Variants in ARG2 observed in about 807,000 individuals in gnomAD.
The protein encoded by ARG2 is arginase-2, mitochondrial.
A neutral mutation model predicts 39.4 loss-of-function variants in ARG2; 21 were observed. That is an observed-to-expected ratio of 0.53 (90% CI 0.38 to 0.77). The LOEUF (loss-of-function observed/expected upper bound fraction) is 0.77, where lower values mean the gene tolerates loss of function less well. Among genes scored for constraint, ARG2 ranks in the 30% least tolerant of loss-of-function variants. The pLI is 0.00. For synonymous variants in ARG2, 150 were observed against 156.7 expected (o/e 0.96, Z 0.32); for missense variants, 378 against 426.2 (o/e 0.89, Z 1.00).
At chr14:67,633,448 C>T (rs1281928875) in intron 2 of ARG2, among the ~76,000 whole-genome samples, 3 of 152,232 alleles carry the variant, frequency 2.0e-5, no homozygotes, top group African/African-American at 4.8e-5. Context: ...TATCCATTAA[C>T]TTGTCTCCAT....
At chr14:67,637,954 G>A (rs950540007) in intron 2 of ARG2, among the ~76,000 whole-genome samples, 1 of 152,208 alleles carries the variant, frequency 6.6e-6, no homozygotes, top group African/African-American at 2.4e-5. Flanking sequence ...AAAAGAGGAG[G>A]TGTGCTTTCT....
In ARG2 at chr14:67,651,072, T is replaced by G. The variant is rs944192063; in HGVS notation, c.*152T>G. On this transcript the variant is annotated 3_prime_UTR_variant, in exon 8 of 8. Coordinates refer to ENST00000261783, the MANE Select transcript of ARG2 (RefSeq NM_001172.4). Reference sequence around the variant, plus strand: ...CAATTGTAAAGTTTCCCCTCTATTTTGGTGACCAATACTACTGTAAATGTA... The same window carrying G: ...CAATTGTAAAGTTTCCCCTCTATTTGGGTGACCAATACTACTGTAAATGTA... 7.0e-6 allele frequency: 7 copies of G among 1,000,414 alleles called. No individual in the cohort carries two copies. The highest frequency in any genetic ancestry group is 8.8e-6 in the Non-Finnish European group (6 of 681,756). The allele number at this position is 1,000,414 out of a possible 1,614,324, so 62.0% of individuals were successfully genotyped here.
chr14:67,640,278 A>G (rs1055264409), intron 2 of ARG2, among the ~76,000 whole-genome samples: 3 of 152,086 alleles, frequency 2.0e-5, no homozygotes, highest in African/African-American at 7.2e-5. Context: ...TTATATGACT[A>G]TTTCTTAAAG....
chr14:67,637,989 C>T (rs983505114), intron 2 of ARG2, among the ~76,000 whole-genome samples: 3 of 152,142 alleles, frequency 2.0e-5, no homozygotes, highest in African/African-American at 4.8e-5. Flanking sequence ...TCTCCCGCTG[C>T]CTTGAACCTG....
At chr14:67,632,470 T>C (rs1332975730) in intron 2 of ARG2, among the ~76,000 whole-genome samples, 1 of 152,172 alleles carries the variant, frequency 6.6e-6, no homozygotes, top group Non-Finnish European at 1.5e-5. Context: ...AACTTTATTA[T>C]GGCCACCCAG....
intron 3 of ARG2, among the ~76,000 whole-genome samples, chr14:67,642,647 C>T (rs2037046438): frequency 1.3e-5 from 2 of 152,082 alleles, no homozygotes; most frequent in Non-Finnish European, 2.9e-5. Flanking sequence ...TGTTAACATG[C>T]TTGTCTCCTG....
chr14:67,651,535 T>TAAACATTTTGGGGTTAGA lies in ARG2; in HGVS notation c.*616_*633dup. 6.3e-7 allele frequency: 1 copy of TAAACATTTTGGGGTTAGA among 1,596,568 alleles called. No homozygotes were observed. Among genetic ancestry groups the TAAACATTTTGGGGTTAGA allele is most frequent in the Non-Finnish European group, 8.5e-7 (1 of 1,170,304 alleles). On this transcript the variant is annotated 3_prime_UTR_variant, in exon 8 of 8. Coordinates refer to ENST00000261783, the MANE Select transcript of ARG2 (RefSeq NM_001172.4). ...TCAGAAGTTTGGATAACCTTCCTTCTAAACATTTTGGGGTTAGACCTGGGA... is the reference window on the plus strand; with the variant it reads ...TCAGAAGTTTGGATAACCTTCCTTCTAAACATTTTGGGGTTAGAAAACATTTTGGGGTTAGACCTGGGA...
intron 2 of ARG2, among the ~76,000 whole-genome samples, chr14:67,639,231 ATC>A (rs2037004763): frequency 6.6e-6 from 1 of 152,134 alleles, no homozygotes. Context: ...TGTCACGTTT[ATC>A]TGAGTCTACA....
chr14:67,646,776 C>A, intron 5 of ARG2, 38 bp downstream of exon 5: 1 of 1,547,012 alleles, frequency 6.5e-7, no homozygotes, highest in Non-Finnish European at 8.9e-7. Context: ...AGGGCCTGTC[C>A]TAGCCAATTA....
At position 67,645,809 on chromosome 14, in the gene ARG2, G is replaced by A. The variant is rs2037090606; in HGVS notation, c.522+7G>A. On this transcript the variant is annotated splice_region_variant and intron_variant, in intron 4 of 7. Transcript: ENST00000261783. ...CAGAGAACTACAGGATAAGGTCAGT[G>A]GGCCAAAACGAAAAGAAAGGTGAAT... The A allele has an allele frequency of 6.2e-7, 1 of 1,613,056 alleles. No individual in the cohort carries two copies. The highest frequency in any genetic ancestry group is 8.5e-7 in the Non-Finnish European group (1 of 1,179,588).
In ARG2 at chr14:67,649,747, A is replaced by G. The variant is rs531384462; in HGVS notation, c.860-968A>G. ...GATGGCATTCAGCACATCATGTACT[A>G]TAGTGTAATATCAATAAACCATTAG... On this transcript the variant is annotated intron_variant, in intron 7 of 7. Coordinates refer to ENST00000261783, the MANE Select transcript of ARG2 (RefSeq NM_001172.4). 3 of 152,346 alleles carry G rather than the reference A, an allele frequency of 2.0e-5. No individual in the cohort carries two copies. In the South Asian group the frequency reaches 6.2e-4, roughly 32 times the overall value. The allele number at this position is 152,346 out of a possible 1,614,324, so 9.4% of individuals were successfully genotyped here. A position where few individuals can be genotyped will look rare whatever the true frequency, so the allele number is the denominator to read the frequency against.
At chr14:67,626,787 T>C (rs112337814) in intron 2 of ARG2, among the ~76,000 whole-genome samples, 2,000 of 152,316 alleles carry the variant, frequency 0.013, 49 homozygotes, top group African/African-American at 0.045. Context: ...CAAATATTCA[T>C]AGCATTATTC....
At chr14:67,642,805 T>TC (rs1566803745) in intron 3 of ARG2, among the ~76,000 whole-genome samples, 1 of 128,970 alleles carries the variant, frequency 7.8e-6, no homozygotes, top group Non-Finnish European at 1.6e-5. Context: ...TTTTTTTTTT[T>TC]TTTTTTTTTT....
rs750226958 is a variant in ARG2, at chr14:67,642,213, T to G, written c.212T>G (p.Leu71Trp). Reference protein sequence around the residue: ...LGCHLKDFGDLSFTPVPKDDL... With the variant: ...LGCHLKDFGDWSFTPVPKDDL... The stretch of plus-strand genomic sequence containing the variant: ...TGCCACCTAAAAGACTTTGGAGATT[T>G]GAGTTTTACTCCAGTCCCCAAAGAT... The change falls in exon 3 of 8, where the codon TTG becomes TGG. Residue 71 changes from leucine to tryptophan, a missense_variant. Transcript: ENST00000261783. The G allele has an allele frequency of 6.2e-7, 1 of 1,614,078 alleles. No homozygotes were observed. The highest frequency in any genetic ancestry group is 1.1e-5 in the South Asian group (1 of 91,082).
intron 2 of ARG2, among the ~76,000 whole-genome samples, chr14:67,621,775 C>A (rs759819990): frequency 6.6e-6 from 1 of 151,502 alleles, no homozygotes; most frequent in African/African-American, 2.4e-5. Flanking sequence ...AAGGGAGAAC[C>A]CTTCTCTTAG....
At position 67,638,401 on chromosome 14, in the gene ARG2, G is replaced by A. The variant is rs574995976; in HGVS notation, c.185-3785G>A. On this transcript the variant is annotated intron_variant, in intron 2 of 7. Coordinates refer to ENST00000261783, the MANE Select transcript of ARG2 (RefSeq NM_001172.4). The stretch of plus-strand genomic sequence containing the variant: ...AAAAGAAAAAAAATGATTAAAGTCT[G>A]AAAGGATACAGTAGTAAAACCCGGG... 2.7e-4 allele frequency among the ~76,000 whole-genome samples: 41 copies of A among 152,102 alleles called. 1 individual carries two copies. The highest frequency in any genetic ancestry group is 6.8e-3 in the Middle Eastern group (2 of 294).
chr14:67,620,132 C>G, intron 1 of ARG2, 44 bp downstream of exon 1: 2 of 1,412,350 alleles, frequency 1.4e-6, no homozygotes, highest in Non-Finnish European at 1.9e-6. Flanking sequence ...TCCTCCGCCC[C>G]CTAGAACCTG....
chr14:67,645,604 C>T, intron 3 of ARG2, 39 bp from the exon 4 acceptor site: 1 of 1,592,138 alleles, frequency 6.3e-7, no homozygotes, highest in East Asian at 2.2e-5. Context: ...TCATGTTTGC[C>T]AAGCAGAGGG....
At chr14:67,635,730 G>A (rs2036965062) in intron 2 of ARG2, among the ~76,000 whole-genome samples, 1 of 152,108 alleles carries the variant, frequency 6.6e-6, no homozygotes, top group East Asian at 1.9e-4. Context: ...GCAGGCACCT[G>A]TAATACCAGC....
Sources: gnomAD v4.1 joint callset for allele counts (sites outside exome capture counted in the v4.1 genomes callset) on GRCh38, gnomAD v4.1.1 for gene constraint, MANE v1.5 for transcripts, NCBI Gene and HGNC (gene_info 2026-07-23, HGNC 2026-07-21) for gene names.